Variants in WWOX observed in about 807,000 individuals in gnomAD.
WWOX encodes WW domain containing oxidoreductase.
In WWOX, 69 loss-of-function variants were observed where a neutral mutation model predicts 46.2. That is an observed-to-expected ratio of 1.49 (90% CI 1.23 to 1.82). The LOEUF is 1.82. Among genes scored for constraint, WWOX ranks in the 40% most tolerant of loss-of-function variants. The pLI is 0.00. For synonymous variants in WWOX, 359 were observed against 202.6 expected (o/e 1.77, Z -6.56); for missense variants, 919 against 542.6 (o/e 1.69, Z -6.89).
chr16:78,966,591 G>T (rs926895137), intron 8 of WWOX, among the ~76,000 whole-genome samples: 2 of 151,896 alleles, frequency 1.3e-5, no homozygotes, highest in Non-Finnish European at 2.9e-5. Context: ...AGGCTAAAAA[G>T]TAACATGTGA....
chr16:78,753,111 A>G (rs2049527687), intron 8 of WWOX, among the ~76,000 whole-genome samples: 1 of 152,132 alleles, frequency 6.6e-6, no homozygotes, highest in African/African-American at 2.4e-5. Flanking sequence ...CCTGGCTAAC[A>G]TGGTGAAACC....
intron 8 of WWOX, among the ~76,000 whole-genome samples, chr16:78,918,396 C>G (rs551040249): frequency 6.6e-6 from 1 of 152,214 alleles, no homozygotes; most frequent in East Asian, 1.9e-4. Flanking sequence ...CCTTTCCAGG[C>G]TGGCTTCTTA....
intron 8 of WWOX, among the ~76,000 whole-genome samples, chr16:79,149,249 G>A (rs1186084864): frequency 1.3e-5 from 2 of 152,030 alleles, no homozygotes; most frequent in Non-Finnish European, 2.9e-5. Context: ...AATGATAATG[G>A]GTGTGTACTT....
intron 8 of WWOX, among the ~76,000 whole-genome samples, chr16:79,042,006 G>T (rs1160587772): frequency 6.6e-6 from 1 of 152,136 alleles, no homozygotes; most frequent in African/African-American, 2.4e-5. Context: ...AATGTAAAAT[G>T]TATATACCTT....
chr16:78,122,096 A>G (rs1402278373), intron 4 of WWOX, among the ~76,000 whole-genome samples: 1 of 152,156 alleles, frequency 6.6e-6, no homozygotes, highest in African/African-American at 2.4e-5. Context: ...CTATTTTATT[A>G]TTATTGTTGA....
At chr16:78,805,884 G>T (rs892337798) in intron 8 of WWOX, among the ~76,000 whole-genome samples, 1 of 152,072 alleles carries the variant, frequency 6.6e-6, no homozygotes. Flanking sequence ...TGCCTTGTTG[G>T]GTCTTCTTTC....
chr16:78,863,421 A>C (rs2043935565), intron 8 of WWOX, among the ~76,000 whole-genome samples: 1 of 152,220 alleles, frequency 6.6e-6, no homozygotes, highest in Admixed American at 6.5e-5. Flanking sequence ...TTCTGAAATA[A>C]TATGCAGCAT....
chr16:79,079,815 G>C (rs544964926), intron 8 of WWOX, among the ~76,000 whole-genome samples: 1 of 152,278 alleles, frequency 6.6e-6, no homozygotes, highest in Non-Finnish European at 1.5e-5. Context: ...AAAGGAGAGA[G>C]GGTTGGACAC....
intron 8 of WWOX, among the ~76,000 whole-genome samples, chr16:78,820,042 G>A (rs183241941): frequency 1.3e-5 from 2 of 152,164 alleles, no homozygotes; most frequent in South Asian, 2.1e-4. Context: ...CTCTGGCATT[G>A]TTCTTACTAT....
intron 8 of WWOX, among the ~76,000 whole-genome samples, chr16:78,534,901 A>C (rs939944947): frequency 6.6e-6 from 1 of 151,766 alleles, no homozygotes; most frequent in Non-Finnish European, 1.5e-5. Context: ...TTTAGTAGAG[A>C]CTGGGTTCCA....
intron 6 of WWOX, among the ~76,000 whole-genome samples, chr16:78,420,689 A>T (rs11864233): frequency 0.023 from 3,476 of 150,908 alleles, 134 homozygotes; most frequent in African/African-American, 0.082. Context: ...AGTGCTATAA[A>T]ATTAGAATGT....
chr16:78,182,949 TCAA>T (rs2035579175), intron 5 of WWOX, among the ~76,000 whole-genome samples: 1 of 98,430 alleles, frequency 1.0e-5, no homozygotes. Flanking sequence ...AGAATCTGTC[TCAA>T]AAAAAAAAAA....
At chr16:78,818,484 A>G (rs911907755) in intron 8 of WWOX, among the ~76,000 whole-genome samples, 10 of 152,230 alleles carry the variant, frequency 6.6e-5, no homozygotes, top group African/African-American at 2.4e-4. Flanking sequence ...TAATCCCAGC[A>G]CTTCGGGAGG....
intron 8 of WWOX, among the ~76,000 whole-genome samples, chr16:78,457,636 A>G (rs1400247298): frequency 6.6e-6 from 1 of 152,082 alleles, no homozygotes; most frequent in African/African-American, 2.4e-5. Context: ...TGAACTGGCC[A>G]TGTACGGTGG....
intron 8 of WWOX, among the ~76,000 whole-genome samples, chr16:78,824,643 G>A (rs1275880023): frequency 6.6e-6 from 1 of 152,182 alleles, no homozygotes; most frequent in African/African-American, 2.4e-5. Context: ...GCAGCGGCAA[G>A]AGAAAATGAG....
chr16:78,348,712 C>T (rs1430630058), intron 5 of WWOX, among the ~76,000 whole-genome samples: 1 of 121,204 alleles, frequency 8.3e-6, no homozygotes, highest in Non-Finnish European at 2.0e-5. Context: ...CCCGCCTCTG[C>T]CTCCCAAAGT....
intron 8 of WWOX, among the ~76,000 whole-genome samples, chr16:79,170,225 T>G (rs1280361776): frequency 6.6e-6 from 1 of 152,226 alleles, no homozygotes; most frequent in Non-Finnish European, 1.5e-5. Flanking sequence ...ACATTTCTCC[T>G]TACAAACATC....
chr16:78,672,993 T>G (rs2047503957), intron 8 of WWOX, among the ~76,000 whole-genome samples: 1 of 152,226 alleles, frequency 6.6e-6, no homozygotes, highest in Non-Finnish European at 1.5e-5. Context: ...CGCCGCCGTG[T>G]GTCAGAACTT....
chr16:78,604,079 G>C (rs1220824660), intron 8 of WWOX, among the ~76,000 whole-genome samples: 6 of 152,156 alleles, frequency 3.9e-5, no homozygotes, highest in African/African-American at 1.4e-4. Context: ...GGGAGGTGGA[G>C]GCTGCAGTGA....
Sources: gnomAD v4.1 joint callset for allele counts (sites outside exome capture counted in the v4.1 genomes callset) on GRCh38, gnomAD v4.1.1 for gene constraint, MANE v1.5 for transcripts, NCBI Gene and HGNC (gene_info 2026-07-23, HGNC 2026-07-21) for gene names.